The following GALNT3 variants were observed in gnomAD, a reference collection of about 807,000 sequenced individuals.
The protein encoded by GALNT3 is GalNAc transferase 3.
GALNT3 carries 51 observed loss-of-function variants against 69.8 expected under a neutral mutation model. The ratio of observed to expected loss-of-function variants is 0.73; its 90% CI spans 0.58 to 0.92. The LOEUF (loss-of-function observed/expected upper bound fraction) is 0.92, where lower values mean the gene tolerates loss of function less well. Ranked by LOEUF, GALNT3 falls within the 40% of genes least tolerant of loss-of-function variation. The pLI is 0.00. For synonymous variants in GALNT3, 265 were observed against 248.5 expected (o/e 1.07, Z -0.63); for missense variants, 711 against 760.0 (o/e 0.94, Z 0.76).
At chr2:165,775,586 G>A (rs1156499424) in intron 1 of GALNT3, among the ~76,000 whole-genome samples, 1 of 152,044 alleles carries the variant, frequency 6.6e-6, no homozygotes, top group Non-Finnish European at 1.5e-5. Context: ...GCAATATTAG[G>A]CTTCCATTAA....
intron 10 of GALNT3, 150 bp from the exon 11 acceptor site, chr2:165,749,053 T>C (rs1688309120): frequency 1.4e-6 from 1 of 739,500 alleles, no homozygotes; most frequent in Admixed American, 2.4e-5. Context: ...TGGCTTCTAG[T>C]GTAAATGCCA....
intron 1 of GALNT3, among the ~76,000 whole-genome samples, chr2:165,793,448 G>C (rs974974146): frequency 2.0e-5 from 3 of 152,156 alleles, no homozygotes; most frequent in Admixed American, 6.5e-5. Context: ...GGGTGTCCGC[G>C]TCCCGGCCAC....
At chr2:165,757,861 T>G (rs1376877583) in intron 6 of GALNT3, among the ~76,000 whole-genome samples, 4 of 152,172 alleles carry the variant, frequency 2.6e-5, no homozygotes, top group African/African-American at 9.6e-5. Flanking sequence ...AATCATGAAA[T>G]CAATGCCTTT....
chr2:165,764,983 C>T lies in GALNT3; in HGVS notation c.589G>A (p.Ala197Thr). 6.2e-7 allele frequency: 1 copy of T among 1,614,152 alleles called. No homozygotes were observed. Among genetic ancestry groups the T allele is most frequent in the Non-Finnish European group, 8.5e-7 (1 of 1,180,002 alleles). Residue 197 changes from alanine to threonine, a missense_variant, in exon 3 of 11, where the codon GCG (alanine) becomes ACG (threonine). Ala to Thr is a moderately conservative substitution (Grantham distance 58, BLOSUM62 0). Transcript: ENST00000392701. ...ACAGTTCTAAGCAACGTGGACCACG[C>T]TTCATTATGAAAAACTATTATGACA... Reference protein sequence around the residue: ...TSVIIVFHNEAWSTLLRTVHS... With the variant: ...TSVIIVFHNETWSTLLRTVHS...
At chr2:165,751,295 C>T (rs182310566) in intron 9 of GALNT3, among the ~76,000 whole-genome samples, 6 of 152,100 alleles carry the variant, frequency 3.9e-5, no homozygotes, top group South Asian at 2.1e-4. Flanking sequence ...TACAAACATT[C>T]GCTGAATTCA....
chr2:165,749,820 AC>A lies in GALNT3; in HGVS notation c.1700del (p.Gly567ValfsTer5). On this transcript the variant is annotated frameshift_variant, in exon 10 of 11. Transcript: ENST00000392701. LOFTEE classifies it high-confidence loss of function. Reference sequence around the variant, plus strand: ...AGGTACATGCCTTCAGCTGAACGAGACCTTGAGCAGCATGAAGACATAATTC... The same window carrying A: ...AGGTACATGCCTTCAGCTGAACGAGACTTGAGCAGCATGAAGACATAATTC... Reference protein sequence around the residue: ...QKELCLHAAQGLVQLKACTYK... With the variant: ...QKELCLHAAQXLVQLKACTYK... The A allele has an allele frequency of 6.2e-7, 1 of 1,613,514 alleles. No individual in the cohort carries two copies. The highest frequency in any genetic ancestry group is 8.5e-7 in the Non-Finnish European group (1 of 1,179,526).
chr2:165,788,811 G>A (rs1357336537), intron 1 of GALNT3, among the ~76,000 whole-genome samples: 1 of 152,132 alleles, frequency 6.6e-6, no homozygotes, highest in East Asian at 1.9e-4. Flanking sequence ...TCACTCCAGA[G>A]TTAAGCAAGT....
chr2:165,758,718 T>G (rs772823314), intron 6 of GALNT3, 29 bp downstream of exon 6: 1 of 1,219,834 alleles, frequency 8.2e-7, no homozygotes, highest in African/African-American at 1.5e-5. Flanking sequence ...GTTTAATATA[T>G]CTGCTATATT....
At chr2:165,767,399 A>C (rs1170044879) in intron 2 of GALNT3, among the ~76,000 whole-genome samples, 1 of 152,154 alleles carries the variant, frequency 6.6e-6, no homozygotes, top group Non-Finnish European at 1.5e-5. Flanking sequence ...GATAATTATA[A>C]AATGGTTTTG....
intron 2 of GALNT3, among the ~76,000 whole-genome samples, chr2:165,766,305 G>GGA (rs1558999821): frequency 6.6e-6 from 1 of 152,170 alleles, no homozygotes; most frequent in Non-Finnish European, 1.5e-5. Context: ...TTGGGCACAG[G>GGA]GAGAGAGACC....
intron 1 of GALNT3, among the ~76,000 whole-genome samples, chr2:165,792,451 C>T (rs1412567468): frequency 2.0e-5 from 3 of 152,076 alleles, no homozygotes; most frequent in African/African-American, 7.2e-5. Flanking sequence ...ATTAAGAGGT[C>T]AGGTGAGATC....
intron 1 of GALNT3, among the ~76,000 whole-genome samples, chr2:165,772,371 G>C (rs1574009939): frequency 6.6e-6 from 1 of 151,962 alleles, no homozygotes; most frequent in Admixed American, 6.6e-5. Context: ...GATCACTTGA[G>C]ACCAGGAGTT....
intron 1 of GALNT3, among the ~76,000 whole-genome samples, chr2:165,784,043 T>C (rs1289773456): frequency 6.6e-6 from 1 of 152,172 alleles, no homozygotes; most frequent in Admixed American, 6.5e-5. Context: ...TAATGTAAAA[T>C]TTGGGTTGGA....
In GALNT3 at chr2:165,759,415, C is replaced by T; in HGVS notation, c.994G>A (p.Asp332Asn). 6.2e-7 allele frequency: 1 copy of T among 1,614,004 alleles called. No individual in the cohort carries two copies. The highest frequency in any genetic ancestry group is 2.2e-5 in the East Asian group (1 of 44,854). ...TCCCAGCCAAATGAAAGACTCCAGTCAAAATTTCCACGGTTATGGTTACTT... is the reference window on the plus strand; with the variant it reads ...TCCCAGCCAAATGAAAGACTCCAGTTAAAATTTCCACGGTTATGGTTACTT... ...YGSNHNRGNFDWSLSFGWESL... is the reference protein window; with the variant it reads ...YGSNHNRGNFNWSLSFGWESL... The change falls in exon 5 of 11, where the codon GAC (aspartate) becomes AAC (asparagine). Residue 332 changes from aspartate (D) to asparagine (N), a missense_variant. Asp to Asn is a conservative substitution (Grantham distance 23). Coordinates refer to ENST00000392701, the MANE Select transcript of GALNT3 (RefSeq NM_004482.4).
intron 7 of GALNT3, among the ~76,000 whole-genome samples, chr2:165,756,768 T>C (rs1219294477): frequency 3.3e-5 from 5 of 152,184 alleles, no homozygotes; most frequent in South Asian, 4.1e-4. Flanking sequence ...AAAACAGTTC[T>C]ACTTAATTTT....
chr2:165,786,083 G>C (rs1469636714), intron 1 of GALNT3, among the ~76,000 whole-genome samples: 1 of 152,122 alleles, frequency 6.6e-6, no homozygotes, highest in Non-Finnish European at 1.5e-5. Context: ...AACAATGTGA[G>C]AATTATGTTG....
intron 1 of GALNT3, among the ~76,000 whole-genome samples, chr2:165,776,505 G>A (rs1257713665): frequency 1.3e-5 from 2 of 151,276 alleles, no homozygotes; most frequent in Non-Finnish European, 2.9e-5. Context: ...CAGAGGAAGA[G>A]AAGTCAAAAA....
chr2:165,752,338 C>T (rs560775902), intron 9 of GALNT3, among the ~76,000 whole-genome samples: 10 of 152,268 alleles, frequency 6.6e-5, no homozygotes, highest in African/African-American at 1.2e-4. Flanking sequence ...CACCCTACCC[C>T]GAAACACACT....
Position 165,764,912 on chromosome 2 carries a change from G to T in GALNT3, c.660C>A (p.Ile220=). The change falls in exon 3 of 11, where the codon ATC becomes ATA. Residue 220 remains isoleucine (I), a synonymous_variant. Coordinates refer to ENST00000392701, the MANE Select transcript of GALNT3 (RefSeq NM_004482.4). ...CTACACTAGCATCATCCACCAAAAT[G>T]ATTTCCTTCAGCAGTATTGCAGGTG... The part of the protein sequence containing the change: ...YSSPAILLKE[I]ILVDDASVDE... 2.5e-6 allele frequency: 4 copies of T among 1,614,174 alleles called. No homozygotes were observed. The highest frequency in any genetic ancestry group is 1.1e-5 in the South Asian group (1 of 91,082).
Sources: gnomAD v4.1 joint callset for allele counts (sites outside exome capture counted in the v4.1 genomes callset) on GRCh38, gnomAD v4.1.1 for gene constraint, MANE v1.5 for transcripts, NCBI Gene and HGNC (gene_info 2026-07-23, HGNC 2026-07-21) for gene names.